The following RPTOR variants were observed in gnomAD, a reference collection of about 807,000 sequenced individuals.
RPTOR encodes regulatory associated protein of MTOR complex 1.
Under a neutral mutation model 169.9 loss-of-function variants are expected in RPTOR, and 21 were observed. The ratio of observed to expected loss-of-function variants is 0.12; its 90% CI spans 0.09 to 0.18. The LOEUF is 0.18. RPTOR is among the 10% of genes least tolerant of loss of function. The pLI, the probability that RPTOR is intolerant of heterozygous loss-of-function variation, is 1.00. For synonymous variants in RPTOR, 732 were observed against 753.2 expected, an observed-to-expected ratio of 0.97 and a Z score of 0.46; for missense variants, 1,133 against 1,855.9, an observed-to-expected ratio of 0.61 and a Z score of 7.16.
At chr17:80,835,290 A>C (rs1455226257) in intron 9 of RPTOR, among the ~76,000 whole-genome samples, 1 of 152,100 alleles carries the variant, frequency 6.6e-6, no homozygotes, top group African/African-American at 2.4e-5. Context: ...TTTCATTCTC[A>C]TTTTGGTCCT....
intron 1 of RPTOR, among the ~76,000 whole-genome samples, chr17:80,576,677 G>C (rs967529185): frequency 6.6e-6 from 1 of 152,142 alleles, no homozygotes; most frequent in African/African-American, 2.4e-5. Flanking sequence ...CATTCACTTC[G>C]TTAGTCTGAA....
intron 6 of RPTOR, among the ~76,000 whole-genome samples, chr17:80,775,687 T>G (rs1235003835): frequency 6.6e-6 from 1 of 152,186 alleles, no homozygotes; most frequent in Non-Finnish European, 1.5e-5. Context: ...GAAATAGCCA[T>G]CATTGTAAGA....
At chr17:80,883,250 C>G (rs969200206) in intron 14 of RPTOR, among the ~76,000 whole-genome samples, 169 bp from the exon 15 acceptor site, 3 of 152,218 alleles carry the variant, frequency 2.0e-5, no homozygotes, top group African/African-American at 7.2e-5. Context: ...TTGAAAACAG[C>G]TGTTCTTTTT....
intron 5 of RPTOR, among the ~76,000 whole-genome samples, chr17:80,740,822 A>G (rs1415821670): frequency 6.6e-6 from 1 of 152,244 alleles, no homozygotes; most frequent in African/African-American, 2.4e-5. Flanking sequence ...ACTTACTGGT[A>G]AAAGACTGAA....
rs1042235658 is a variant in RPTOR at position 80,878,132 on chromosome 17, G to A, written c.1510-2283G>A. 1.3e-5 allele frequency among the ~76,000 whole-genome samples: 2 copies of A among 152,170 alleles called. No individual in the cohort carries two copies. The highest frequency in any genetic ancestry group is 1.5e-5 in the Non-Finnish European group (1 of 68,046). On this transcript the variant is annotated intron_variant, in intron 13 of 33. Transcript: ENST00000306801. The surrounding 1 kb of genome is among the most constrained non-coding windows in gnomAD (Gnocchi z 4.1). ...GGCCCTCTGTCCTTGCATGGCCTTC[G>A]TCCTCTGGAAAGGAGCATGCTGGGA...
intron 1 of RPTOR, among the ~76,000 whole-genome samples, chr17:80,600,118 G>C (rs375049794): frequency 1.3e-5 from 2 of 152,294 alleles, no homozygotes; most frequent in African/African-American, 4.8e-5. Context: ...AGCTGGAGGA[G>C]AGGCCTGCAG....
intron 6 of RPTOR, among the ~76,000 whole-genome samples, chr17:80,791,216 C>A (rs2067044626): frequency 6.6e-6 from 1 of 152,208 alleles, no homozygotes; most frequent in African/African-American, 2.4e-5. Context: ...AACGGCTTCT[C>A]TCCTTTCTCC....
chr17:80,629,900 C>T (rs953345426), intron 2 of RPTOR, among the ~76,000 whole-genome samples: 61 of 152,108 alleles, frequency 4.0e-4, no homozygotes, highest in African/African-American at 1.2e-3. Context: ...CTATGTATTG[C>T]GCTGTTGGAC....
chr17:80,784,772 C>T (rs1399304500), intron 6 of RPTOR, among the ~76,000 whole-genome samples: 1 of 151,568 alleles, frequency 6.6e-6, no homozygotes, highest in Non-Finnish European at 1.5e-5. Context: ...AATCTCGGCT[C>T]ACTGCAACCT....
At chr17:80,777,782 G>A (rs1268366215) in intron 6 of RPTOR, among the ~76,000 whole-genome samples, 1 of 152,200 alleles carries the variant, frequency 6.6e-6, no homozygotes. Flanking sequence ...TGTAAATGGT[G>A]TGATGAAGTC....
chr17:80,836,103 A>G (rs760257520), intron 9 of RPTOR, among the ~76,000 whole-genome samples: 2 of 152,096 alleles, frequency 1.3e-5, no homozygotes, highest in African/African-American at 2.4e-5. Context: ...CACACGCTGA[A>G]TTTCACCAAG....
intron 1 of RPTOR, among the ~76,000 whole-genome samples, chr17:80,616,033 C>G (rs1383847247): frequency 6.6e-6 from 1 of 152,122 alleles, no homozygotes; most frequent in Non-Finnish European, 1.5e-5. Flanking sequence ...TTGAGAAATG[C>G]CATGGGCTTA....
rs1226940634 is a variant in RPTOR, at chr17:80,721,433, G to C, written c.508-9127G>C. Among the ~76,000 whole-genome samples the C allele has an allele frequency of 2.0e-5, 3 of 151,448 alleles. No individual in the cohort carries two copies. Among genetic ancestry groups the C allele is most frequent in the African/African-American group, 7.4e-5 (3 of 40,704 alleles). Reference sequence around the variant, plus strand: ...CCTCGGCAGGGCCTGCACGCACCTGGTGCAGGAGCAGCAGAAGCCATGCTG... The same window carrying C: ...CCTCGGCAGGGCCTGCACGCACCTGCTGCAGGAGCAGCAGAAGCCATGCTG... On this transcript the variant is annotated intron_variant, in intron 4 of 33. Transcript: ENST00000306801. The surrounding 1 kb of genome is among the most constrained non-coding windows in gnomAD (Gnocchi z 4.7).
intron 4 of RPTOR, among the ~76,000 whole-genome samples, chr17:80,710,659 A>G (rs955687214): frequency 4.0e-5 from 6 of 150,078 alleles, no homozygotes; most frequent in African/African-American, 1.5e-4. Context: ...GCTACGTTGA[A>G]TGATACTGTA....
chr17:80,592,003 T>C (rs1425507238), intron 1 of RPTOR, among the ~76,000 whole-genome samples: 3 of 152,240 alleles, frequency 2.0e-5, no homozygotes, highest in Non-Finnish European at 4.4e-5. Flanking sequence ...TGGGTCTGTC[T>C]TCTTGTGATG....
At chr17:80,880,289 G>C (rs763472545) in intron 13 of RPTOR, 126 bp from the exon 14 acceptor site, 15 of 793,714 alleles carry the variant, frequency 1.9e-5, no homozygotes, top group Non-Finnish European at 2.6e-5. Context: ...TGAAAACTGG[G>C]CTTGAAAGGA....
rs759796534 is a variant in RPTOR, at chr17:80,823,083, C to T, written c.996C>T (p.Leu332=). 17 of 1,614,148 alleles carry T rather than the reference C, an allele frequency of 1.1e-5. No homozygotes were observed. The South Asian group carries it at 1.9e-4, about 18-fold the overall frequency. The change falls in exon 9 of 34, where the codon CTC becomes CTT. Residue 332 remains leucine, a synonymous_variant. Coordinates refer to ENST00000306801, the MANE Select transcript of RPTOR (RefSeq NM_020761.3). This position sits in a 1 kb window ranked among gnomAD's most constrained non-coding sequence, Gnocchi z 4.5. ...TTATCTTTTATCTGCCCTCAGATCTCTTCCAAAAGCTCTTCAGACAGGACT... is the reference window on the plus strand; with the variant it reads ...TTATCTTTTATCTGCCCTCAGATCTTTTCCAAAAGCTCTTCAGACAGGACT... ...TIAWNVLPRD[L]FQKLFRQDLL...
intron 7 of RPTOR, among the ~76,000 whole-genome samples, chr17:80,807,460 C>T (rs1157035221): frequency 6.6e-6 from 1 of 152,144 alleles, no homozygotes; most frequent in African/African-American, 2.4e-5. Flanking sequence ...AAGTGATTCT[C>T]CTGCGTCAGA....
At position 80,618,792 on chromosome 17, in the gene RPTOR, G is replaced by A. The variant is rs140006876; in HGVS notation, c.163-6899G>A. ...ATGAACAAAGGAATATAAAAATAGA[G>A]AGTCTCCCAAGCTAACACAGTTGCT... On this transcript the variant is annotated intron_variant, in intron 1 of 33. Coordinates refer to ENST00000306801, the MANE Select transcript of RPTOR (RefSeq NM_020761.3). Among the ~76,000 whole-genome samples the A allele has an allele frequency of 8.8e-4, 134 of 152,328 alleles. No individual in the cohort carries two copies. In the East Asian group the frequency reaches 0.022, roughly 25 times the overall value.
Sources: allele counts gnomAD v4.1 joint callset (sites outside exome capture counted in the v4.1 genomes callset), GRCh38; gene constraint gnomAD v4.1.1; non-coding constraint Gnocchi (gnomAD v3.1); transcripts MANE v1.5; gene names NCBI Gene and HGNC (gene_info 2026-07-23, HGNC 2026-07-21).